The following SYNE2 variants were observed in gnomAD, a reference collection of about 807,000 sequenced individuals.
SYNE2 encodes the protein spectrin repeat containing nuclear envelope protein 2, also known as nesprin-2.
SYNE2 carries 431 observed loss-of-function variants against 856.3 expected under a neutral mutation model. The observed-to-expected ratio is 0.50, with a 90% CI of 0.47 to 0.55. The LOEUF (loss-of-function observed/expected upper bound fraction) is 0.55, where lower values mean the gene tolerates loss of function less well. SYNE2 is among the 20% of genes least tolerant of loss of function. SYNE2 has a pLI of 0.00. For synonymous variants in SYNE2, 2,923 were observed against 2,872.3 expected, an observed-to-expected ratio of 1.02 and a Z score of -0.56; for missense variants, 8,129 against 8,023.2, an observed-to-expected ratio of 1.01 and a Z score of -0.50.
At chr14:63,942,261 C>T (rs531372084) in intron 6 of SYNE2, 118 bp downstream of exon 6, 19 of 711,414 alleles carry the variant, frequency 2.7e-5, no homozygotes, top group South Asian at 2.7e-4. Flanking sequence ...AATAGGACCT[C>T]TGAAAATCTT....
intron 96 of SYNE2, among the ~76,000 whole-genome samples, chr14:64,180,994 G>A (rs1175343922): frequency 6.6e-6 from 1 of 152,054 alleles, no homozygotes; most frequent in Non-Finnish European, 1.5e-5. Flanking sequence ...AAACTCTTAT[G>A]TTAATTCCAA....
intron 97 of SYNE2, among the ~76,000 whole-genome samples, chr14:64,187,907 C>T (rs2139548754): frequency 6.6e-6 from 1 of 152,314 alleles, no homozygotes; most frequent in Admixed American, 6.5e-5. Flanking sequence ...TTAGGGGTTA[C>T]TTATGCATAA....
chr14:64,191,171 T>C, intron 99 of SYNE2: 1 of 348,092 alleles, frequency 2.9e-6, no homozygotes, highest in Non-Finnish European at 5.1e-6. Flanking sequence ...ATTAAATTTA[T>C]TATTTAAATT....
rs991125370 is a variant in SYNE2, at chr14:64,087,939, T to A, written c.11670+83T>A. ...GGCTCATCCCTATAATTCCAGCACT[T>A]TGGGAGGCCAAGGCGGGTGGATCAC... On this transcript the variant is annotated intron_variant, in intron 58 of 115. Coordinates refer to ENST00000555002, the MANE Select transcript of SYNE2 (RefSeq NM_182914.3). 25 of 1,481,408 alleles carry A rather than the reference T, an allele frequency of 1.7e-5. No homozygotes were observed. The South Asian group carries it at 2.9e-4, about 17-fold the overall frequency. The allele number at this position is 1,481,408 out of a possible 1,614,324, so 91.8% of individuals were successfully genotyped here.
At chr14:63,819,358 A>G (rs912193490) in intron 1 of SYNE2, among the ~76,000 whole-genome samples, 3 of 151,894 alleles carry the variant, frequency 2.0e-5, no homozygotes, top group African/African-American at 7.3e-5. Flanking sequence ...CAGCCTCCTG[A>G]GTAACTGGGA....
intron 1 of SYNE2, among the ~76,000 whole-genome samples, chr14:63,897,385 A>G (rs2095270078): frequency 6.6e-6 from 1 of 152,172 alleles, no homozygotes; most frequent in Admixed American, 6.5e-5. Context: ...TTGGCTGTTC[A>G]TTCATTTTAG....
At chr14:64,021,161 A>T (rs1396431637) in intron 35 of SYNE2, among the ~76,000 whole-genome samples, 154 bp from the exon 36 acceptor site, 1 of 152,184 alleles carries the variant, frequency 6.6e-6, no homozygotes, top group Non-Finnish European at 1.5e-5. Flanking sequence ...GCAAAATTCA[A>T]ATTGTATCAG....
At chr14:64,019,971 C>G (rs1466316626) in intron 34 of SYNE2, 21 bp from the exon 35 acceptor site, 1 of 1,492,638 alleles carries the variant, frequency 6.7e-7, no homozygotes, top group East Asian at 2.3e-5. Flanking sequence ...AGACACTATC[C>G]TTTAAAATTA....
chr14:64,140,134 G>A (rs1246250493), intron 80 of SYNE2, 61 bp downstream of exon 80: 8 of 1,531,670 alleles, frequency 5.2e-6, no homozygotes, highest in African/African-American at 1.4e-5. Flanking sequence ...CAAGGAAAAA[G>A]CATCAGGGTT....
rs1255579796 is a variant in SYNE2, at chr14:63,941,693, A to C, written c.142-2A>C. 2 of 1,613,362 alleles carry C rather than the reference A, an allele frequency of 1.2e-6. No individual in the cohort carries two copies. On this transcript the variant is annotated splice_acceptor_variant, in intron 3 of 115. Coordinates refer to ENST00000555002, the MANE Select transcript of SYNE2 (RefSeq NM_182914.3). LOFTEE classifies it high-confidence loss of function. ...GATTATTTTTCTTGTGACCTTCTGC[A>C]GCACACTTCTCCCTCAGTTATATCC...
chr14:64,225,476 C>G lies in SYNE2; in HGVS notation c.20674C>G (p.Arg6892Gly), dbSNP rs534020975. ...YSCTQANNFA[R>G]SFYPMLRYTN... The stretch of plus-strand genomic sequence containing the variant: ...CTGCACTCAGGCCAACAACTTTGCC[C>G]GGTCCTTTTACCCCATGCTGAGGTA... The change falls in exon 116 of 116, where the codon CGG becomes GGG. Residue 6892 changes from arginine (R) to glycine (G), a missense_variant. This residue lies in a region of SYNE2 where 5,410 missense variants were observed against 5,284.8 expected (regional missense o/e 1.02). Transcript: ENST00000555002. 13 of 1,614,094 alleles carry G rather than the reference C, an allele frequency of 8.1e-6. No homozygotes were observed.
At chr14:64,199,176 T>C (rs925155223) in intron 99 of SYNE2, among the ~76,000 whole-genome samples, 5 of 152,346 alleles carry the variant, frequency 3.3e-5, no homozygotes, top group African/African-American at 1.2e-4. Context: ...CAGTGTATCC[T>C]GAGCTATGAG....
chr14:63,963,976 TGATA>T lies in SYNE2; in HGVS notation c.967_970del (p.Asp323ProfsTer29), dbSNP rs1389500996. On this transcript the variant is annotated frameshift_variant, in exon 10 of 116. Coordinates refer to ENST00000555002, the MANE Select transcript of SYNE2 (RefSeq NM_182914.3). LOFTEE classifies it high-confidence loss of function. ...AGAAGTTGCTAAAGGATTCAGAGAA[TGATA>T]CCTACTTTAAAAAGTATAATGTAAG... The T allele has an allele frequency of 6.2e-7, 1 of 1,604,230 alleles. No individual in the cohort carries two copies. The highest frequency in any genetic ancestry group is 1.3e-5 in the African/African-American group (1 of 74,674).
At chr14:64,011,052 T>C (rs958662418) in intron 32 of SYNE2, among the ~76,000 whole-genome samples, 15 of 152,256 alleles carry the variant, frequency 9.9e-5, no homozygotes, top group Non-Finnish European at 1.6e-4. Flanking sequence ...TATTAAACTT[T>C]CCAGTTGTCA....
Position 64,224,335 on chromosome 14 carries a change from A to T in SYNE2, c.20383-126A>T, listed in dbSNP as rs2098708432. Reference sequence around the variant, plus strand: ...CACTGCACTCCAGCCTGGGTGACACAGTGAGACTGTCTAAAACAAAACAAA... The same window carrying T: ...CACTGCACTCCAGCCTGGGTGACACTGTGAGACTGTCTAAAACAAAACAAA... On this transcript the variant is annotated intron_variant, in intron 113 of 115. Coordinates refer to ENST00000555002, the MANE Select transcript of SYNE2 (RefSeq NM_182914.3). 3.2e-6 allele frequency: 3 copies of T among 927,250 alleles called. No homozygotes were observed. The Admixed American group carries it at 5.3e-5, about 16-fold the overall frequency. 57.4% of individuals were successfully genotyped at this position (927,250 alleles called of 1,614,324 possible).
intron 54 of SYNE2, among the ~76,000 whole-genome samples, chr14:64,077,333 G>A (rs2097471854): frequency 6.6e-6 from 1 of 151,948 alleles, no homozygotes; most frequent in African/African-American, 2.4e-5. Flanking sequence ...CTTTTCTTGT[G>A]GTAATTTGTG....
chr14:64,085,369 C>T (rs2097553279), intron 57 of SYNE2, among the ~76,000 whole-genome samples: 1 of 152,118 alleles, frequency 6.6e-6, no homozygotes, highest in Admixed American at 6.5e-5. Context: ...TAAGTCTGGC[C>T]TGCATTCAAG....
At chr14:63,938,451 G>A (rs994628497) in intron 2 of SYNE2, among the ~76,000 whole-genome samples, 1 of 152,152 alleles carries the variant, frequency 6.6e-6, no homozygotes, top group African/African-American at 2.4e-5. Flanking sequence ...AAATTAGAAA[G>A]TACTAAGAAT....
At chr14:63,783,389 T>C (rs1887393442) in intron 1 of SYNE2, among the ~76,000 whole-genome samples, 1 of 152,108 alleles carries the variant, frequency 6.6e-6, no homozygotes, top group Non-Finnish European at 1.5e-5. Context: ...CTTCTTCTTT[T>C]TTTTCTGAGA....
Sources: allele counts gnomAD v4.1 joint callset (sites outside exome capture counted in the v4.1 genomes callset), GRCh38; gene constraint gnomAD v4.1.1; regional missense constraint gnomAD v4.1.1; transcripts MANE v1.5; gene names NCBI Gene and HGNC (gene_info 2026-07-23, HGNC 2026-07-21).